Variants in RALGAPB observed in about 807,000 individuals in gnomAD.
RALGAPB encodes the protein Ral GTPase activating protein non-catalytic subunit beta, also known as ral GTPase-activating protein subunit beta.
RALGAPB carries 25 observed loss-of-function variants against 161.1 expected under a neutral mutation model. The observed-to-expected ratio is 0.16, with a 90% confidence interval of 0.11 to 0.22. RALGAPB has a LOEUF of 0.22. RALGAPB is among the 10% of genes least tolerant of loss of function. The pLI is 1.00. For synonymous variants in RALGAPB, 629 were observed against 626.1 expected, an observed-to-expected ratio of 1.00 and a Z score of -0.07; for missense variants, 1,391 against 1,815.2, an observed-to-expected ratio of 0.77 and a Z score of 4.25.
chr20:38,543,190 T>C (rs572748735), intron 18 of RALGAPB, among the ~76,000 whole-genome samples: 3 of 152,360 alleles, frequency 2.0e-5, no homozygotes, highest in South Asian at 2.1e-4. Flanking sequence ...ACTGTCATCA[T>C]GAAACGTGTC....
chr20:38,540,218 T>G (rs1279429253), intron 17 of RALGAPB, among the ~76,000 whole-genome samples: 2 of 152,208 alleles, frequency 1.3e-5, no homozygotes, highest in African/African-American at 4.8e-5. Flanking sequence ...CTATCAAGAT[T>G]GTTCTTTCTT....
chr20:38,524,736 T>G (rs1283663068), intron 10 of RALGAPB, 42 bp from the exon 11 acceptor site: 2 of 1,461,570 alleles, frequency 1.4e-6, no homozygotes, highest in African/African-American at 2.8e-5. Context: ...ATGAAAACTT[T>G]TGATCAGCAG....
At chr20:38,507,031 A>T (rs2085782948) in intron 5 of RALGAPB, among the ~76,000 whole-genome samples, 1 of 152,086 alleles carries the variant, frequency 6.6e-6, no homozygotes, top group East Asian at 1.9e-4. Context: ...AAAAATTATG[A>T]ATCTGTTTTT....
At chr20:38,557,546 C>T (rs1208509574) in intron 22 of RALGAPB, among the ~76,000 whole-genome samples, 1 of 152,204 alleles carries the variant, frequency 6.6e-6, no homozygotes, top group African/African-American at 2.4e-5. Flanking sequence ...ACCTAGTAGC[C>T]ACTGGTCTTT....
chr20:38,510,439 C>G (rs541971854), intron 6 of RALGAPB, among the ~76,000 whole-genome samples: 1 of 152,172 alleles, frequency 6.6e-6, no homozygotes, highest in East Asian at 1.9e-4. Context: ...CTTTTTCCTT[C>G]TCTTAGAATA....
At chr20:38,514,141 G>A (rs1272419503) in intron 6 of RALGAPB, among the ~76,000 whole-genome samples, 2 of 152,208 alleles carry the variant, frequency 1.3e-5, no homozygotes, top group Non-Finnish European at 2.9e-5. Flanking sequence ...AGTCTTACTA[G>A]GCTCCATGAA....
chr20:38,488,338 TTTTA>T, intron 1 of RALGAPB, 61 bp from the exon 2 acceptor site: 1 of 1,072,272 alleles, frequency 9.3e-7, no homozygotes, highest in Non-Finnish European at 1.4e-6. Context: ...TATACATCTG[TTTTA>T]TTTATTTCTG....
intron 12 of RALGAPB, among the ~76,000 whole-genome samples, 158 bp downstream of exon 12, chr20:38,525,676 A>AT (rs879471251): frequency 9.8e-4 from 143 of 145,936 alleles, no homozygotes; most frequent in Middle Eastern, 3.6e-3. Flanking sequence ...TTGACTTGTG[A>AT]TTTTTTTTTT....
chr20:38,531,078 T>C (rs2086637754), intron 13 of RALGAPB, 89 bp from the exon 14 acceptor site: 13 of 1,139,724 alleles, frequency 1.1e-5, no homozygotes, highest in Non-Finnish European at 1.7e-5. Context: ...AATTATATTC[T>C]TATCTGTACT....
chr20:38,533,797 T>C (rs2086724744), intron 15 of RALGAPB, among the ~76,000 whole-genome samples: 1 of 152,142 alleles, frequency 6.6e-6, no homozygotes, highest in Non-Finnish European at 1.5e-5. Flanking sequence ...ATTCTATAGG[T>C]TGAAAATTAT....
intron 1 of RALGAPB, among the ~76,000 whole-genome samples, chr20:38,485,618 G>A (rs1401796662): frequency 6.6e-6 from 1 of 151,998 alleles, no homozygotes; most frequent in Non-Finnish European, 1.5e-5. Context: ...GTAGAGACGG[G>A]GTTTTGCCCT....
intron 1 of RALGAPB, among the ~76,000 whole-genome samples, chr20:38,480,904 A>T (rs2084949052): frequency 6.7e-6 from 1 of 149,216 alleles, no homozygotes; most frequent in Non-Finnish European, 1.5e-5. Context: ...CGCCCGGCTA[A>T]TTTTTTTTTG....
Position 38,509,209 on chromosome 20 carries a change from G to A in RALGAPB, c.872+1G>A. 6.2e-7 allele frequency: 1 copy of A among 1,611,936 alleles called. No homozygotes were observed. Among genetic ancestry groups the A allele is most frequent in the Non-Finnish European group, 8.5e-7 (1 of 1,178,664 alleles). Reference sequence around the variant, plus strand: ...GGTTTCGCTTTTTACACATGTTAAGGTATTGTTATTTTATTATTTCATGTG... The same window carrying A: ...GGTTTCGCTTTTTACACATGTTAAGATATTGTTATTTTATTATTTCATGTG... On this transcript the variant is annotated splice_donor_variant, in intron 6 of 29. Transcript: ENST00000262879. LOFTEE classifies it high-confidence loss of function.
At chr20:38,563,142 T>C (rs1468192120) in intron 24 of RALGAPB, among the ~76,000 whole-genome samples, 1 of 152,170 alleles carries the variant, frequency 6.6e-6, no homozygotes. Flanking sequence ...TTAGTAACAG[T>C]TTATATATTC....
chr20:38,485,604 T>G (rs1163606280), intron 1 of RALGAPB, among the ~76,000 whole-genome samples: 1 of 152,136 alleles, frequency 6.6e-6, no homozygotes, highest in Non-Finnish European at 1.5e-5. Context: ...TTTTTGTACT[T>G]TTAGTAGAGA....
chr20:38,474,560 C>G (rs980744013), intron 1 of RALGAPB, among the ~76,000 whole-genome samples: 2 of 152,080 alleles, frequency 1.3e-5, no homozygotes, highest in Non-Finnish European at 2.9e-5. Flanking sequence ...ATTACAGATG[C>G]GAGCCACTGT....
chr20:38,542,422 A>G (rs1568958483), intron 18 of RALGAPB, among the ~76,000 whole-genome samples: 2 of 152,172 alleles, frequency 1.3e-5, no homozygotes. Flanking sequence ...TCTGTCATTT[A>G]GTCCTGCTCA....
chr20:38,517,869 C>G lies in RALGAPB; in HGVS notation c.1286C>G (p.Pro429Arg). The G allele has an allele frequency of 6.2e-7, 1 of 1,613,904 alleles. No homozygotes were observed. The highest frequency in any genetic ancestry group is 8.5e-7 in the Non-Finnish European group (1 of 1,179,808). Residue 429 changes from proline (P) to arginine (R), a missense_variant, in exon 9 of 30, where the codon CCC becomes CGC. Physicochemically the swap from Pro to Arg is moderately radical, Grantham distance 103. This residue lies in a region of RALGAPB where 946 missense variants were observed against 1,257.2 expected (regional missense o/e 0.75). Transcript: ENST00000262879. ...AGTCCAAATCAGACTAGTTCAGAACCCCGGCCACTGCCTGCCCCTCGGAGA... is the reference window on the plus strand; with the variant it reads ...AGTCCAAATCAGACTAGTTCAGAACGCCGGCCACTGCCTGCCCCTCGGAGA... ...LSSPNQTSSE[P>R]RPLPAPRRPK...
intron 2 of RALGAPB, among the ~76,000 whole-genome samples, chr20:38,492,224 G>A (rs1487469508): frequency 6.6e-6 from 1 of 152,170 alleles, no homozygotes; most frequent in Non-Finnish European, 1.5e-5. Context: ...ACTTGGGCCA[G>A]ATTATTTAAT....
Sources: gnomAD v4.1 joint callset for allele counts (sites outside exome capture counted in the v4.1 genomes callset) on GRCh38, gnomAD v4.1.1 for gene constraint, gnomAD v4.1.1 regional missense constraint, MANE v1.5 for transcripts, NCBI Gene and HGNC (gene_info 2026-07-23, HGNC 2026-07-21) for gene names.